Variants in CEP57 observed in about 807,000 individuals in gnomAD.
CEP57 encodes the protein centrosomal protein of 57 kDa.
A neutral mutation model predicts 68.0 loss-of-function variants in CEP57; 40 were observed. The ratio of observed to expected loss-of-function variants is 0.59; its 90% CI spans 0.46 to 0.77. The LOEUF (loss-of-function observed/expected upper bound fraction) is 0.77. Among genes scored for constraint, CEP57 ranks in the 30% least tolerant of loss-of-function variants. The probability of loss-of-function intolerance (pLI) is 0.00; values close to 1 mark genes in which losing one functional copy is unlikely to be tolerated. For synonymous variants in CEP57, 219 were observed against 198.7 expected, an observed-to-expected ratio of 1.10 and a Z score of -0.86; for missense variants, 606 against 580.7, an observed-to-expected ratio of 1.04 and a Z score of -0.45.
Position 95,821,884 on chromosome 11 carries a change from T to C in CEP57, c.713T>C (p.Leu238Pro). The C allele has an allele frequency of 6.2e-7, 1 of 1,610,704 alleles. No individual in the cohort carries two copies. ...QAKAAELQTGLETNRLIFEDK... is the reference protein window; with the variant it reads ...QAKAAELQTGPETNRLIFEDK... Reference sequence around the variant, plus strand: ...CATTTTTCCTAGTTGCAGACTGGTCTAGAAACAAATAGACTTATCTTTGAA... The same window carrying C: ...CATTTTTCCTAGTTGCAGACTGGTCCAGAAACAAATAGACTTATCTTTGAA... Residue 238 changes from leucine to proline, a missense_variant, in exon 7 of 11, where the codon CTA (leucine) becomes CCA (proline). Leu to Pro is a moderately conservative substitution (Grantham distance 98). Transcript: ENST00000325542.
At chr11:95,812,069 A>G (rs550129979) in intron 2 of CEP57, among the ~76,000 whole-genome samples, 16 of 152,308 alleles carry the variant, frequency 1.1e-4, no homozygotes, top group African/African-American at 3.1e-4. Flanking sequence ...TCAGTCTTCT[A>G]CATTTACTGC....
chr11:95,791,054 G>A (rs989771996), intron 1 of CEP57, among the ~76,000 whole-genome samples: 5 of 152,180 alleles, frequency 3.3e-5, no homozygotes, highest in Admixed American at 2.6e-4. Flanking sequence ...TCCCTGGCCT[G>A]CAAAAATGTA....
chr11:95,806,741 C>G (rs890733716), intron 2 of CEP57, among the ~76,000 whole-genome samples: 1 of 152,198 alleles, frequency 6.6e-6, no homozygotes, highest in South Asian at 2.1e-4. Flanking sequence ...CTGGGTGGAG[C>G]CCACCGCAGC....
At position 95,828,039 on chromosome 11, in the gene CEP57, T is replaced by G. The variant is rs1245452032; in HGVS notation, c.1127+12T>G. 41 of 1,172,686 alleles carry G rather than the reference T, an allele frequency of 3.5e-5. No individual in the cohort carries two copies. The highest frequency in any genetic ancestry group is 3.3e-4 in the East Asian group (11 of 33,692). 72.6% of individuals were successfully genotyped at this position (1,172,686 alleles called of 1,614,324 possible). A position where few individuals can be genotyped will look rare whatever the true frequency, so the allele number is the denominator to read the frequency against. ...GGGCAAATGAGCTTGTGAGTTTTTG[T>G]TTTTTTTTTTAAATTCAGTTTAGCT... On this transcript the variant is annotated intron_variant, in intron 9 of 10. Coordinates refer to ENST00000325542, the MANE Select transcript of CEP57 (RefSeq NM_014679.5).
chr11:95,832,367 A>G lies in CEP57; in HGVS notation c.*1111A>G, dbSNP rs1863040631. On this transcript the variant is annotated 3_prime_UTR_variant, in exon 11 of 11. Transcript: ENST00000325542. Reference sequence around the variant, plus strand: ...ACTTAGTTGCCACACTCATGCTTACATAGAAAGAGAGCCCAAGAATATTAG... The same window carrying G: ...ACTTAGTTGCCACACTCATGCTTACGTAGAAAGAGAGCCCAAGAATATTAG... 1 of 152,174 alleles carries G rather than the reference A, an allele frequency of 6.6e-6. No homozygotes were observed. The highest frequency in any genetic ancestry group is 2.4e-5 in the African/African-American group (1 of 41,446). 9.4% of individuals were successfully genotyped at this position (152,174 alleles called of 1,614,324 possible).
intron 1 of CEP57, among the ~76,000 whole-genome samples, chr11:95,796,019 C>G (rs1389027152): frequency 6.6e-6 from 1 of 152,172 alleles, no homozygotes; most frequent in Non-Finnish European, 1.5e-5. Flanking sequence ...AAGCAGTGTT[C>G]TGTTGAATGC....
At chr11:95,801,717 T>C (rs1861588375) in intron 2 of CEP57, among the ~76,000 whole-genome samples, 1 of 152,022 alleles carries the variant, frequency 6.6e-6, no homozygotes, top group Admixed American at 6.6e-5. Flanking sequence ...GGCAGATTTA[T>C]TCACCGAGAA....
chr11:95,812,735 C>T (rs1354651820), intron 2 of CEP57, among the ~76,000 whole-genome samples, 197 bp from the exon 3 acceptor site: 2 of 152,132 alleles, frequency 1.3e-5, no homozygotes, highest in Admixed American at 6.5e-5. Context: ...CCACCGCACC[C>T]GGCCCACTCA....
intron 5 of CEP57, among the ~76,000 whole-genome samples, chr11:95,818,209 C>T (rs1177710584): frequency 6.6e-6 from 1 of 151,768 alleles, no homozygotes; most frequent in Non-Finnish European, 1.5e-5. Context: ...GTCAGGAGTT[C>T]AAGACCAGCC....
intron 9 of CEP57, 75 bp from the exon 10 acceptor site, chr11:95,829,112 C>G: frequency 6.8e-7 from 1 of 1,474,816 alleles, no homozygotes; most frequent in Non-Finnish European, 9.5e-7. Flanking sequence ...GAGCAGTAAC[C>G]CATAATGAGG....
intron 1 of CEP57, among the ~76,000 whole-genome samples, 172 bp from the exon 2 acceptor site, chr11:95,799,060 T>C (rs1187308702): frequency 2.0e-5 from 3 of 152,250 alleles, no homozygotes; most frequent in Admixed American, 6.5e-5. Context: ...CAGACTAATA[T>C]GAAACACTTT....
At chr11:95,790,875 C>A in intron 1 of CEP57, 132 bp downstream of exon 1, 1 of 1,035,530 alleles carries the variant, frequency 9.7e-7, no homozygotes, top group South Asian at 1.4e-5. Context: ...CTAGATTGCC[C>A]CGCGCTCCCC....
chr11:95,806,644 C>A (rs1178214775), intron 2 of CEP57, among the ~76,000 whole-genome samples: 2 of 152,172 alleles, frequency 1.3e-5, no homozygotes, highest in Non-Finnish European at 2.9e-5. Flanking sequence ...AGTCTGAGAT[C>A]CAACTGCAAG....
chr11:95,817,918 CTT>C lies in CEP57; in HGVS notation c.621+19_621+20del. The C allele has an allele frequency of 6.8e-7, 1 of 1,477,578 alleles. No homozygotes were observed. Among genetic ancestry groups the C allele is most frequent in the Non-Finnish European group, 9.5e-7 (1 of 1,055,946 alleles). The allele number at this position is 1,477,578 out of a possible 1,614,324, so 91.5% of individuals were successfully genotyped here. On this transcript the variant is annotated intron_variant, in intron 5 of 10. Transcript: ENST00000325542. ...CCCTTGCAGAAGTCAGTGCATGTGT[CTT>C]TTTATTGTTAACATATATCAGGGTG...
intron 7 of CEP57, chr11:95,822,194 T>C (rs577605522): frequency 1.7e-6 from 1 of 590,740 alleles, no homozygotes; most frequent in Non-Finnish European, 3.0e-6. Context: ...CAGAACACCA[T>C]ACAAAATTAG....
At chr11:95,791,631 A>C (rs1407141332) in intron 1 of CEP57, among the ~76,000 whole-genome samples, 2 of 152,206 alleles carry the variant, frequency 1.3e-5, no homozygotes, top group African/African-American at 4.8e-5. Context: ...TGCGCAGTAT[A>C]GTTTAGGAAG....
chr11:95,826,632 C>G (rs1021895518), intron 8 of CEP57: 3 of 152,168 alleles, frequency 2.0e-5, no homozygotes, highest in Non-Finnish European at 4.4e-5. Flanking sequence ...AGAGTTTTGA[C>G]TACATGGGTG....
At chr11:95,827,649 T>A (rs888466198) in intron 8 of CEP57, 137 bp from the exon 9 acceptor site, 31 of 973,746 alleles carry the variant, frequency 3.2e-5, no homozygotes, top group Middle Eastern at 3.2e-4. Context: ...TAGAAGAACA[T>A]CATGATGAGA....
rs1486066918 is a variant in CEP57, at chr11:95,829,302, A to G, written c.1243A>G (p.Ile415Val). The G allele has an allele frequency of 6.2e-7, 1 of 1,614,104 alleles. No individual in the cohort carries two copies. Among genetic ancestry groups the G allele is most frequent in the Non-Finnish European group, 8.5e-7 (1 of 1,180,000 alleles). The change falls in exon 10 of 11, where the codon ATA becomes GTA. Residue 415 changes from isoleucine to valine, a missense_variant. Transcript: ENST00000325542. ...VGRMEAKANQ[I>V]TKVRKYQAQL... is the part of the protein sequence containing the mutation. ...AAGGATGGAAGCAAAAGCCAACCAA[A>G]TAACTAAAGTTCGAAAATACCAAGC...
Sources: allele counts gnomAD v4.1 joint callset (sites outside exome capture counted in the v4.1 genomes callset), GRCh38; gene constraint gnomAD v4.1.1; transcripts MANE v1.5; gene names NCBI Gene and HGNC (gene_info 2026-07-23, HGNC 2026-07-21).